SUGCT: variants seen among roughly 807,000 people sequenced by gnomAD.
The protein encoded by SUGCT is succinyl-CoA:glutarate CoA-transferase.
In SUGCT, 41 loss-of-function variants were observed where a neutral mutation model predicts 55.0. The observed-to-expected ratio is 0.74, with a 90% CI of 0.58 to 0.97. SUGCT has a LOEUF of 0.97. Among genes scored for constraint, SUGCT ranks in the 50% least tolerant of loss-of-function variants. The pLI is 0.00. For synonymous variants in SUGCT, 187 were observed against 200.4 expected, an observed-to-expected ratio of 0.93 and a Z score of 0.56; for missense variants, 568 against 547.8, an observed-to-expected ratio of 1.04 and a Z score of -0.37.
chr7:40,989,445 A>G, the SUGCT span, among the ~76,000 whole-genome samples: 1 of 152,176 alleles, frequency 6.6e-6, no homozygotes, highest in Admixed American at 6.5e-5. Flanking sequence ...TTCCATCTCA[A>G]GAAACCATTT....
chr7:40,210,424 C>G (rs911751466), intron 6 of SUGCT, among the ~76,000 whole-genome samples: 7 of 151,702 alleles, frequency 4.6e-5, no homozygotes, highest in African/African-American at 1.5e-4. Context: ...CATATTGATA[C>G]AATGATTCCA....
intron 6 of SUGCT, 75 bp from the exon 7 acceptor site, chr7:40,237,560 T>C: frequency 9.1e-7 from 1 of 1,104,142 alleles, no homozygotes; most frequent in African/African-American, 1.5e-5. Flanking sequence ...TACAAATGTT[T>C]CTAACACACT....
intron 13 of SUGCT, among the ~76,000 whole-genome samples, chr7:40,799,870 T>A (rs753303353): frequency 9.2e-5 from 14 of 152,178 alleles, no homozygotes; most frequent in Non-Finnish European, 1.8e-4. Flanking sequence ...AAGTCATTAG[T>A]ATAGCAAACC....
At chr7:41,024,661 CAA>C in the SUGCT span, among the ~76,000 whole-genome samples, 34 of 121,398 alleles carry the variant, frequency 2.8e-4, no homozygotes, top group Admixed American at 5.3e-4. Flanking sequence ...AACAATTTGG[CAA>C]AAAAAAAAAA....
intron 9 of SUGCT, among the ~76,000 whole-genome samples, chr7:40,437,633 C>G (rs570587418): frequency 6.6e-6 from 1 of 152,112 alleles, no homozygotes; most frequent in Non-Finnish European, 1.5e-5. Flanking sequence ...TGGCTCAGCC[C>G]AGTTCCAGTG....
In SUGCT at chr7:40,787,914, G is replaced by A. The variant is rs553534783; in HGVS notation, c.1153+38417G>A. Among the ~76,000 whole-genome samples the A allele has an allele frequency of 5.1e-4, 78 of 152,258 alleles. 1 individual carries two copies. In the South Asian group the frequency reaches 0.016, roughly 31 times the overall value. ...CATCAAAAGTGGAGACCCATGGGGA[G>A]AAGGCACTTCCTCCCCTGCCCGGTG... On this transcript the variant is annotated intron_variant, in intron 13 of 13. Coordinates refer to ENST00000335693, the MANE Select transcript of SUGCT (RefSeq NM_001193313.2).
chr7:40,277,898 G>T (rs936799088), intron 8 of SUGCT, among the ~76,000 whole-genome samples: 1 of 151,536 alleles, frequency 6.6e-6, no homozygotes, highest in African/African-American at 2.4e-5. Flanking sequence ...TCCATGTGTT[G>T]TCATTGTTCA....
At chr7:40,664,546 G>T (rs749829195) in intron 12 of SUGCT, among the ~76,000 whole-genome samples, 4 of 152,160 alleles carry the variant, frequency 2.6e-5, no homozygotes, top group Non-Finnish European at 4.4e-5. Context: ...AGCAAACAGA[G>T]ATGAGAACTG....
the SUGCT span, among the ~76,000 whole-genome samples, chr7:40,884,520 T>C: frequency 6.6e-6 from 1 of 152,130 alleles, no homozygotes; most frequent in African/African-American, 2.4e-5. Context: ...CTTGGCTAAA[T>C]CCTCACATGT....
At chr7:40,936,748 C>T in the SUGCT span, among the ~76,000 whole-genome samples, 2 of 151,816 alleles carry the variant, frequency 1.3e-5, no homozygotes, top group Non-Finnish European at 1.5e-5. Flanking sequence ...AAATCTCTCT[C>T]TTAATTACTT....
At chr7:40,240,003 A>C (rs896382781) in intron 7 of SUGCT, among the ~76,000 whole-genome samples, 1 of 152,192 alleles carries the variant, frequency 6.6e-6, no homozygotes, top group East Asian at 1.9e-4. Context: ...TTATCTTCCT[A>C]TAGCTGTTAA....
Position 40,211,045 on chromosome 7 carries a change from C to T in SUGCT, c.484+15985C>T, listed in dbSNP as rs566364528. ...AGGCTGGAGGGCAGTGGTGTGATCT[C>T]GGCTCACTGTAACCTCCACCTCCTG... On this transcript the variant is annotated intron_variant, in intron 6 of 13. Coordinates refer to ENST00000335693, the MANE Select transcript of SUGCT (RefSeq NM_001193313.2). Among the ~76,000 whole-genome samples, 9 of 149,000 alleles carry T rather than the reference C, an allele frequency of 6.0e-5. No individual in the cohort carries two copies. The South Asian group carries it at 1.9e-3, about 32-fold the overall frequency.
At chr7:40,506,151 T>G (rs1244002550) in intron 12 of SUGCT, among the ~76,000 whole-genome samples, 1 of 152,122 alleles carries the variant, frequency 6.6e-6, no homozygotes, top group Non-Finnish European at 1.5e-5. Flanking sequence ...CCCTAAAAGA[T>G]TTTCTTTGGT....
chr7:40,705,835 A>G (rs865877318), intron 12 of SUGCT, among the ~76,000 whole-genome samples: 13 of 152,154 alleles, frequency 8.5e-5, no homozygotes, highest in African/African-American at 3.1e-4. Flanking sequence ...GCTCCTTTCC[A>G]TGGTGGCATA....
chr7:40,306,078 A>G (rs931601902), intron 8 of SUGCT, among the ~76,000 whole-genome samples: 2 of 152,196 alleles, frequency 1.3e-5, no homozygotes, highest in Non-Finnish European at 2.9e-5. Flanking sequence ...AAGCTCTGAG[A>G]TACCCCTTTG....
At chr7:40,934,985 A>G in the SUGCT span, among the ~76,000 whole-genome samples, 1 of 152,192 alleles carries the variant, frequency 6.6e-6, no homozygotes, top group African/African-American at 2.4e-5. Context: ...GAAATGCAGA[A>G]ATCACTTGTC....
Position 40,768,433 on chromosome 7 carries a change from T to G in SUGCT, c.1153+18936T>G, listed in dbSNP as rs140532751. 1.2e-4 allele frequency among the ~76,000 whole-genome samples: 19 copies of G among 152,266 alleles called. No individual in the cohort carries two copies. In the East Asian group the frequency reaches 3.5e-3, roughly 28 times the overall value. On this transcript the variant is annotated intron_variant, in intron 13 of 13. Coordinates refer to ENST00000335693, the MANE Select transcript of SUGCT (RefSeq NM_001193313.2). ...TATAAGAATGATGTTTCAACTCGCC[T>G]TGGCCACTTCGTGGGAGGCACCTTT... is the stretch of plus-strand genomic sequence containing the variant.
chr7:41,033,317 C>T, the SUGCT span, among the ~76,000 whole-genome samples: 10 of 152,206 alleles, frequency 6.6e-5, no homozygotes, highest in Non-Finnish European at 1.3e-4. Context: ...CCACTACCTG[C>T]TCTCTTACCA....
chr7:40,437,933 G>C (rs1233473455), intron 9 of SUGCT, among the ~76,000 whole-genome samples: 1 of 151,806 alleles, frequency 6.6e-6, no homozygotes, highest in African/African-American at 2.4e-5. Context: ...TTTTATTTAA[G>C]CCAGGGAAAA....
Sources: gnomAD v4.1 joint callset for allele counts (sites outside exome capture counted in the v4.1 genomes callset) on GRCh38, gnomAD v4.1.1 for gene constraint, MANE v1.5 for transcripts, NCBI Gene and HGNC (gene_info 2026-07-23, HGNC 2026-07-21) for gene names.